The following COL26A1 variants were observed in gnomAD, a reference collection of about 807,000 sequenced individuals.
COL26A1 encodes collagen alpha-1(XXVI) chain.
Under a neutral mutation model 59.3 loss-of-function variants are expected in COL26A1, and 41 were observed. That is an observed-to-expected ratio of 0.69 (90% CI 0.54 to 0.90). The LOEUF is 0.90. Among genes scored for constraint, COL26A1 ranks in the 40% least tolerant of loss-of-function variants. The pLI is 0.00. For synonymous variants in COL26A1, 266 were observed against 256.0 expected (o/e 1.04, Z -0.37); for missense variants, 612 against 602.3 (o/e 1.02, Z -0.17).
At chr7:101,452,318 G>T (rs1793359246) in intron 3 of COL26A1, among the ~76,000 whole-genome samples, 1 of 152,184 alleles carries the variant, frequency 6.6e-6, no homozygotes, top group African/African-American at 2.4e-5. Flanking sequence ...CACCAAGTAG[G>T]TTCATGTGGG....
At chr7:101,434,277 A>T (rs1792862150) in intron 2 of COL26A1, among the ~76,000 whole-genome samples, 1 of 144,210 alleles carries the variant, frequency 6.9e-6, no homozygotes, top group African/African-American at 2.6e-5. Context: ...TTGTAGAGAC[A>T]GGGTCTTGCT....
intron 1 of COL26A1, among the ~76,000 whole-genome samples, chr7:101,382,070 A>T (rs998942428): frequency 6.6e-6 from 1 of 152,040 alleles, no homozygotes; most frequent in Non-Finnish European, 1.5e-5. Context: ...CTATTTTGAG[A>T]TAGGGTCTTG....
intron 3 of COL26A1, among the ~76,000 whole-genome samples, chr7:101,505,882 G>A (rs1042557708): frequency 2.0e-5 from 3 of 152,124 alleles, no homozygotes; most frequent in Admixed American, 6.6e-5. Flanking sequence ...CTTATAAGAC[G>A]GGGAAACTGA....
chr7:101,506,792 A>C (rs10250055), intron 3 of COL26A1, among the ~76,000 whole-genome samples: 32,887 of 152,112 alleles, frequency 0.22, 6,781 homozygotes, highest in African/African-American at 0.54. Flanking sequence ...GTTATTTTGC[A>C]TGGATTGGTC....
intron 3 of COL26A1, among the ~76,000 whole-genome samples, chr7:101,458,648 C>T (rs907968997): frequency 3.7e-4 from 44 of 118,992 alleles, no homozygotes; most frequent in Non-Finnish European, 8.0e-4. Context: ...AAAACTCTGT[C>T]TCCAAAAAAA....
chr7:101,499,877 C>CT lies in COL26A1; in HGVS notation c.386-33203dup, dbSNP rs1794664229. Among the ~76,000 whole-genome samples the CT allele has an allele frequency of 6.4e-5, 5 of 78,636 alleles. No homozygotes were observed. The African/African-American group carries it at 6.4e-4, about 10-fold the overall frequency. 51.6% of individuals were successfully genotyped at this position (78,636 alleles called of 152,430 possible). On this transcript the variant is annotated intron_variant, in intron 3 of 12. Coordinates refer to ENST00000313669, the MANE Select transcript of COL26A1 (RefSeq NM_001278563.3). ...CCTGGGTGATAGAGGGAGTCCCTGCCTTAAAAAAAAAAAAAAAAACACCTT... is the reference window on the plus strand; with the variant it reads ...CCTGGGTGATAGAGGGAGTCCCTGCCTTTAAAAAAAAAAAAAAAAACACCTT...
intron 1 of COL26A1, among the ~76,000 whole-genome samples, chr7:101,392,859 G>A (rs1480750565): frequency 6.6e-6 from 1 of 152,142 alleles, no homozygotes; most frequent in East Asian, 1.9e-4. Flanking sequence ...CTTGCCACGG[G>A]TGGGACGCAG....
intron 2 of COL26A1, among the ~76,000 whole-genome samples, chr7:101,439,594 A>G (rs1240761075): frequency 6.9e-6 from 1 of 144,024 alleles, no homozygotes; most frequent in African/African-American, 2.6e-5. Context: ...TGTGCTGGAG[A>G]TTTGTGAGAA....
intron 1 of COL26A1, among the ~76,000 whole-genome samples, chr7:101,370,816 G>A (rs552287150): frequency 1.3e-5 from 2 of 152,130 alleles, no homozygotes; most frequent in African/African-American, 4.8e-5. Context: ...CCCCTCTTTT[G>A]GTAGAACCAC....
intron 3 of COL26A1, among the ~76,000 whole-genome samples, chr7:101,473,856 G>T (rs1243878527): frequency 6.9e-6 from 1 of 145,776 alleles, no homozygotes; most frequent in Non-Finnish European, 1.5e-5. Context: ...CTGTCTCAAA[G>T]AAAAAAAAAA....
rs923007050 is a variant in COL26A1 at position 101,468,666 on chromosome 7, G to A, written c.385+20879G>A. ...ATAAGTTATGGAGATGATGTAGCAT[G>A]TTCGGTGGTTAAACCGTAAAACTTT... is the stretch of plus-strand genomic sequence containing the variant. On this transcript the variant is annotated intron_variant, in intron 3 of 12. Transcript: ENST00000313669. 7.2e-5 allele frequency among the ~76,000 whole-genome samples: 11 copies of A among 152,220 alleles called. No homozygotes were observed. The East Asian group carries it at 1.9e-3, about 27-fold the overall frequency.
intron 1 of COL26A1, among the ~76,000 whole-genome samples, chr7:101,366,946 T>TGAAGACCAGTTGTTCTCTGC (rs1256164357): frequency 1.3e-5 from 2 of 152,210 alleles, no homozygotes; most frequent in Admixed American, 6.5e-5. Context: ...GTTGACTTGT[T>TGAAGACCAGTTGTTCTCTGC]GAAGACCAGT....
At chr7:101,541,877 G>A (rs1400439153) in intron 5 of COL26A1, among the ~76,000 whole-genome samples, 1 of 152,192 alleles carries the variant, frequency 6.6e-6, no homozygotes, top group Admixed American at 6.5e-5. Flanking sequence ...TCCAGGGGTT[G>A]AAGGCTGAGG....
At chr7:101,421,574 C>G (rs907940329) in intron 2 of COL26A1, among the ~76,000 whole-genome samples, 2 of 151,624 alleles carry the variant, frequency 1.3e-5, no homozygotes, top group African/African-American at 4.9e-5. Context: ...ACTGAGGAGG[C>G]TGAGGCAGGA....
intron 9 of COL26A1, among the ~76,000 whole-genome samples, chr7:101,550,316 C>A (rs1355862246): frequency 3.3e-5 from 5 of 151,944 alleles, no homozygotes; most frequent in African/African-American, 1.2e-4. Context: ...TAAAAATTAG[C>A]CTGGTGTGGT....
intron 3 of COL26A1, among the ~76,000 whole-genome samples, chr7:101,483,798 C>T (rs1794206670): frequency 6.6e-6 from 1 of 152,074 alleles, no homozygotes; most frequent in African/African-American, 2.4e-5. Flanking sequence ...CCTCAGCCTC[C>T]CGAGTAGCTG....
chr7:101,547,764 T>C (rs12113089), intron 8 of COL26A1, among the ~76,000 whole-genome samples: 4 of 152,290 alleles, frequency 2.6e-5, no homozygotes, highest in Admixed American at 2.0e-4. Context: ...TTCATTCATT[T>C]ATTCATTCAT....
chr7:101,556,893 G>GTGGATGGA (rs145625482), intron 12 of COL26A1, among the ~76,000 whole-genome samples: 46,155 of 146,474 alleles, frequency 0.32, 7,519 homozygotes, highest in Non-Finnish European at 0.35. Flanking sequence ...GAATGACTGA[G>GTGGATGGA]TGGATGGATG....
At chr7:101,434,493 C>T (rs954086950) in intron 2 of COL26A1, among the ~76,000 whole-genome samples, 4 of 151,722 alleles carry the variant, frequency 2.6e-5, no homozygotes, top group South Asian at 2.1e-4. Flanking sequence ...AACTCCTGAA[C>T]GCAAGTGATC....
Sources: gnomAD v4.1 joint callset for allele counts (sites outside exome capture counted in the v4.1 genomes callset) on GRCh38, gnomAD v4.1.1 for gene constraint, MANE v1.5 for transcripts, NCBI Gene and HGNC (gene_info 2026-07-23, HGNC 2026-07-21) for gene names.